Variants in TAFA2 observed in about 807,000 individuals in gnomAD.
The protein encoded by TAFA2 is TAFA chemokine like family member 2, also known as chemokine-like protein TAFA-2.
TAFA2 carries 7 observed loss-of-function variants against 18.8 expected under a neutral mutation model. The observed-to-expected ratio is 0.37, with a 90% CI of 0.21 to 0.70. The LOEUF (loss-of-function observed/expected upper bound fraction) is 0.70. Among genes scored for constraint, TAFA2 ranks in the 30% least tolerant of loss-of-function variants. TAFA2 has a pLI of 0.53. For synonymous variants in TAFA2, 60 were observed against 54.2 expected (o/e 1.11, Z -0.47); for missense variants, 122 against 158.1 (o/e 0.77, Z 1.23).
intron 1 of TAFA2, among the ~76,000 whole-genome samples, chr12:62,155,171 A>G (rs2062359984): frequency 6.6e-6 from 1 of 152,216 alleles, no homozygotes; most frequent in African/African-American, 2.4e-5. Context: ...GGAGAATCAA[A>G]TCAAGAACTC....
chr12:62,234,276 T>A lies in TAFA2; in HGVS notation c.-130+24487A>T, dbSNP rs1343799875. On this transcript the variant is annotated intron_variant, in intron 1 of 5. Transcript: ENST00000551619. ...CCCACAGCCTTGGTGCTCTCAGTAT[T>A]GTAGGCTCAAAAAACATTTGCTGAA... The A allele has an allele frequency of 7.6e-6, 3 of 397,120 alleles. No individual in the cohort carries two copies. The East Asian group carries it at 1.9e-4, about 24-fold the overall frequency. The allele number at this position is 397,120 out of a possible 1,614,324, so 24.6% of individuals were successfully genotyped here.
intron 1 of TAFA2, chr12:62,136,182 T>A (rs1490677913): frequency 6.6e-6 from 1 of 152,172 alleles, no homozygotes; most frequent in African/African-American, 2.4e-5. Flanking sequence ...AGAAAAGGTA[T>A]ATTTACTTTC....
intron 2 of TAFA2, among the ~76,000 whole-genome samples, chr12:61,804,952 T>C (rs1311591581): frequency 6.6e-6 from 1 of 151,984 alleles, no homozygotes; most frequent in Non-Finnish European, 1.5e-5. Context: ...TTTATACTTC[T>C]ACATAAAAAT....
chr12:62,235,398 G>A lies in TAFA2; in HGVS notation c.-130+23365C>T, dbSNP rs1335145033. 3 of 646,912 alleles carry A rather than the reference G, an allele frequency of 4.6e-6. No individual in the cohort carries two copies. The Admixed American group carries it at 7.3e-5, about 16-fold the overall frequency. 40.1% of individuals were successfully genotyped at this position (646,912 alleles called of 1,614,324 possible). On this transcript the variant is annotated intron_variant, in intron 1 of 5. Transcript: ENST00000551619. The stretch of plus-strand genomic sequence containing the variant: ...GTGCACTCCGGAGCTTCCAGAAGAT[G>A]AGTCATGTTCAAGATGGGTGCTGAG...
At chr12:61,728,802 A>ATT (rs56095133) in intron 4 of TAFA2, among the ~76,000 whole-genome samples, 14 of 150,774 alleles carry the variant, frequency 9.3e-5, no homozygotes, top group Middle Eastern at 3.2e-3. Flanking sequence ...CAATACCTTG[A>ATT]TTTTTTTTTC....
At chr12:62,066,835 T>C (rs541623925) in intron 1 of TAFA2, among the ~76,000 whole-genome samples, 81 of 152,194 alleles carry the variant, frequency 5.3e-4, no homozygotes, top group Admixed American at 7.9e-4. Context: ...TATTCAGCAG[T>C]GGGATTGCTG....
At chr12:61,823,814 C>A (rs1402343479) in intron 2 of TAFA2, among the ~76,000 whole-genome samples, 4 of 152,088 alleles carry the variant, frequency 2.6e-5, no homozygotes, top group Non-Finnish European at 5.9e-5. Flanking sequence ...AATACTCACA[C>A]CAGAATCTGA....
chr12:62,066,402 C>G (rs1882489747), intron 1 of TAFA2, among the ~76,000 whole-genome samples: 1 of 151,732 alleles, frequency 6.6e-6, no homozygotes, highest in African/African-American at 2.4e-5. Context: ...TTCTTTCTAA[C>G]AATTTTTTGT....
At chr12:62,098,827 C>T (rs992434866) in intron 1 of TAFA2, among the ~76,000 whole-genome samples, 2 of 152,054 alleles carry the variant, frequency 1.3e-5, no homozygotes, top group Non-Finnish European at 2.9e-5. Context: ...TCATATTTGA[C>T]CACTTAACTT....
chr12:61,778,841 C>G, intron 2 of TAFA2, among the ~76,000 whole-genome samples: 1 of 151,910 alleles, frequency 6.6e-6, no homozygotes, highest in African/African-American at 2.4e-5. Context: ...CCATCACCAT[C>G]TAGCCCCCAT....
chr12:62,087,959 C>T (rs11174304), intron 1 of TAFA2, among the ~76,000 whole-genome samples: 8,462 of 152,050 alleles, frequency 0.056, 336 homozygotes, highest in South Asian at 0.091. Flanking sequence ...TCATACATTC[C>T]CTGTTTCCCT....
At chr12:62,172,944 T>G (rs2062488144) in intron 1 of TAFA2, among the ~76,000 whole-genome samples, 1 of 93,602 alleles carries the variant, frequency 1.1e-5, no homozygotes. Context: ...TATTTGACTC[T>G]CAACTATCTA....
chr12:61,998,896 A>G (rs961522979), intron 1 of TAFA2, among the ~76,000 whole-genome samples: 2 of 152,232 alleles, frequency 1.3e-5, no homozygotes, highest in African/African-American at 4.8e-5. Flanking sequence ...ACCTAGAAGT[A>G]TTAGAGATTC....
At chr12:62,207,859 C>A (rs77947488) in intron 1 of TAFA2, among the ~76,000 whole-genome samples, 141 of 152,328 alleles carry the variant, frequency 9.3e-4, no homozygotes, top group African/African-American at 3.2e-3. Context: ...AGAGACACAG[C>A]ATCAGCTTCA....
At chr12:61,911,393 C>T (rs1433007416) in intron 1 of TAFA2, among the ~76,000 whole-genome samples, 1 of 152,150 alleles carries the variant, frequency 6.6e-6, no homozygotes, top group Non-Finnish European at 1.5e-5. Context: ...ACTCATTATT[C>T]CCGTATCAAG....
At chr12:62,098,849 A>G (rs571887046) in intron 1 of TAFA2, among the ~76,000 whole-genome samples, 2 of 152,340 alleles carry the variant, frequency 1.3e-5, no homozygotes, top group Non-Finnish European at 1.5e-5. Context: ...CAGAGATATT[A>G]CTATGACTAC....
At chr12:61,796,928 A>T (rs1181035800) in intron 2 of TAFA2, among the ~76,000 whole-genome samples, 3 of 152,200 alleles carry the variant, frequency 2.0e-5, no homozygotes, top group Non-Finnish European at 4.4e-5. Flanking sequence ...ACATCTAACA[A>T]CTAGCAAGAA....
At chr12:61,976,092 C>T (rs181368144) in intron 1 of TAFA2, among the ~76,000 whole-genome samples, 205 of 151,890 alleles carry the variant, frequency 1.3e-3, no homozygotes, top group Non-Finnish European at 2.3e-3. Context: ...GATATAATTA[C>T]ATAACTAACC....
chr12:61,823,243 G>T (rs1355280020), intron 2 of TAFA2, among the ~76,000 whole-genome samples: 1 of 151,890 alleles, frequency 6.6e-6, no homozygotes, highest in Non-Finnish European at 1.5e-5. Flanking sequence ...CATGATCATA[G>T]CTCACTGCAG....
Sources: gnomAD v4.1 joint callset for allele counts (sites outside exome capture counted in the v4.1 genomes callset) on GRCh38, gnomAD v4.1.1 for gene constraint, MANE v1.5 for transcripts, NCBI Gene and HGNC (gene_info 2026-07-23, HGNC 2026-07-21) for gene names.